Variants in CHD6 observed in about 807,000 individuals in gnomAD.
CHD6 encodes the protein ATP-dependent chromatin remodeler CHD6.
In CHD6, 50 loss-of-function variants were observed where a neutral mutation model predicts 276.9. The observed-to-expected ratio is 0.18, with a 90% CI of 0.14 to 0.23. The LOEUF (loss-of-function observed/expected upper bound fraction) is 0.23. CHD6 is among the 10% of genes least tolerant of loss of function. The pLI, the probability that CHD6 is intolerant of heterozygous loss-of-function variation, is 1.00. For synonymous variants in CHD6, 1,173 were observed against 1,229.3 expected (o/e 0.95, Z 0.96); for missense variants, 2,564 against 3,365.8 (o/e 0.76, Z 5.89).
intron 1 of CHD6, among the ~76,000 whole-genome samples, chr20:41,592,820 A>T (rs1335322874): frequency 6.6e-6 from 1 of 152,170 alleles, no homozygotes; most frequent in African/African-American, 2.4e-5. Flanking sequence ...GGCTGGGTCT[A>T]ACACCAGAGG....
At chr20:41,513,510 C>T (rs149707955) in intron 4 of CHD6, among the ~76,000 whole-genome samples, 3 of 152,280 alleles carry the variant, frequency 2.0e-5, no homozygotes, top group Non-Finnish European at 2.9e-5. Flanking sequence ...TTGAGAATCT[C>T]GTAACACTTC....
At chr20:41,505,592 T>C (rs1002399574) in intron 5 of CHD6, among the ~76,000 whole-genome samples, 1 of 152,230 alleles carries the variant, frequency 6.6e-6, no homozygotes, top group African/African-American at 2.4e-5. Context: ...CTAATTCTTG[T>C]TGTTTCCATA....
intron 5 of CHD6, among the ~76,000 whole-genome samples, chr20:41,500,273 A>G (rs2043799655): frequency 6.6e-6 from 1 of 152,178 alleles, no homozygotes; most frequent in Non-Finnish European, 1.5e-5. Context: ...TGATTTGTAT[A>G]TCTTCAGTCT....
chr20:41,409,979 A>G (rs559930030), intron 36 of CHD6, among the ~76,000 whole-genome samples: 10 of 152,228 alleles, frequency 6.6e-5, no homozygotes, highest in African/African-American at 2.4e-4. Flanking sequence ...GGTAGTGGGC[A>G]TTAAAAATTG....
Position 41,413,421 on chromosome 20 carries a change from G to T in CHD6, c.7034C>A (p.Ala2345Asp). The T allele has an allele frequency of 6.2e-7, 1 of 1,611,930 alleles. No individual in the cohort carries two copies. Among genetic ancestry groups the T allele is most frequent in the Non-Finnish European group, 8.5e-7 (1 of 1,179,890 alleles). The change falls in exon 35 of 37, where the codon GCC becomes GAC. Residue 2345 changes from alanine (A) to aspartate (D), a missense_variant. Ala to Asp is a moderately radical substitution (Grantham distance 126). Transcript: ENST00000373233. ...ATSAPEPATA[A>D]SSQAEKSIPS... Reference sequence around the variant, plus strand: ...AATGGATTTCTCGGCTTGGCTGCTGGCTGCCGTAGCTGGCTCAGGAGCCGA... The same window carrying T: ...AATGGATTTCTCGGCTTGGCTGCTGTCTGCCGTAGCTGGCTCAGGAGCCGA...
chr20:41,511,366 G>C (rs2044113982), intron 5 of CHD6, among the ~76,000 whole-genome samples: 1 of 152,184 alleles, frequency 6.6e-6, no homozygotes, highest in South Asian at 2.1e-4. Context: ...TGCACAGCCT[G>C]CTTCTTCTCT....
chr20:41,600,718 A>G (rs774780296), intron 1 of CHD6, among the ~76,000 whole-genome samples: 14 of 152,146 alleles, frequency 9.2e-5, no homozygotes, highest in Non-Finnish European at 2.9e-5. Context: ...AATCAACTAC[A>G]CTATTTTCAT....
chr20:41,425,040 T>C (rs11697642), intron 29 of CHD6, 138 bp downstream of exon 29: 6 of 668,886 alleles, frequency 9.0e-6, no homozygotes, highest in Non-Finnish European at 1.6e-5. Flanking sequence ...AACTGAAGGC[T>C]GAATGTAATG....
chr20:41,552,209 C>A (rs1051787551), intron 1 of CHD6, among the ~76,000 whole-genome samples: 6 of 152,208 alleles, frequency 3.9e-5, no homozygotes, highest in Admixed American at 2.6e-4. Context: ...TATAGAATCT[C>A]AGGCTTCTAG....
chr20:41,482,454 A>G (rs1363670944), intron 16 of CHD6: 1 of 413,932 alleles, frequency 2.4e-6, no homozygotes, highest in Admixed American at 3.0e-5. Context: ...CTCTTGCTAT[A>G]AAGTACATGT....
intron 23 of CHD6, among the ~76,000 whole-genome samples, chr20:41,448,341 G>A (rs988313901): frequency 6.6e-6 from 1 of 152,156 alleles, no homozygotes; most frequent in African/African-American, 2.4e-5. Flanking sequence ...GAACAGTGGT[G>A]TTTTCAAACA....
At chr20:41,552,569 T>C (rs2045162297) in intron 1 of CHD6, among the ~76,000 whole-genome samples, 1 of 152,192 alleles carries the variant, frequency 6.6e-6, no homozygotes, top group African/African-American at 2.4e-5. Flanking sequence ...TAAAGTGAGA[T>C]AGTTCCAATT....
chr20:41,598,530 C>A (rs151084531), intron 1 of CHD6, among the ~76,000 whole-genome samples: 481 of 152,236 alleles, frequency 3.2e-3, no homozygotes, highest in Non-Finnish European at 5.0e-3. Context: ...GGTCCTCCGA[C>A]CAACAGGGTA....
At chr20:41,522,774 G>A (rs1015847107) in intron 3 of CHD6, among the ~76,000 whole-genome samples, 1 of 152,122 alleles carries the variant, frequency 6.6e-6, no homozygotes, top group Non-Finnish European at 1.5e-5. Context: ...CACTGCAGAA[G>A]TGGATACTGT....
chr20:41,468,898 C>A (rs1190393175), intron 17 of CHD6, among the ~76,000 whole-genome samples: 1 of 152,148 alleles, frequency 6.6e-6, no homozygotes, highest in African/African-American at 2.4e-5. Flanking sequence ...ACTATAACTC[C>A]AGCTATTCAG....
rs767307935 is a variant in CHD6, at chr20:41,498,271, T to C, written c.916-45A>G. ...GTTATCAGCCCAGATCCCAGGCAGA[T>C]CACCCTTACTGAGCCAAAAGAAAAC... is the stretch of plus-strand genomic sequence containing the variant. On this transcript the variant is annotated intron_variant, in intron 6 of 36. Coordinates refer to ENST00000373233, the MANE Select transcript of CHD6 (RefSeq NM_032221.5). 3.5e-6 allele frequency: 5 copies of C among 1,418,906 alleles called. No homozygotes were observed. The South Asian group carries it at 6.0e-5, about 17-fold the overall frequency. 87.9% of individuals were successfully genotyped at this position (1,418,906 alleles called of 1,614,324 possible). A position where few individuals can be genotyped will look rare whatever the true frequency, so the allele number is the denominator to read the frequency against.
chr20:41,581,184 A>G (rs1203230193), intron 1 of CHD6, among the ~76,000 whole-genome samples: 2 of 152,242 alleles, frequency 1.3e-5, no homozygotes, highest in Non-Finnish European at 2.9e-5. Context: ...CTTAATCATC[A>G]TAATCATCCC....
rs1387741628 is a variant in CHD6, at chr20:41,403,502, A to G, written c.*1091T>C. 1 of 1,062,570 alleles carries G rather than the reference A, an allele frequency of 9.4e-7. No individual in the cohort carries two copies. Among genetic ancestry groups the G allele is most frequent in the African/African-American group, 1.6e-5 (1 of 60,948 alleles). 65.8% of individuals were successfully genotyped at this position (1,062,570 alleles called of 1,614,324 possible). On this transcript the variant is annotated 3_prime_UTR_variant, in exon 37 of 37. Transcript: ENST00000373233. ...TGGAATTTGGGTCCAACTGTAAGAT[A>G]TAAACAGAATGGAGAAATTAATGGA...
At position 41,404,678 on chromosome 20, in the gene CHD6, GGTTCGGCACAGTT is replaced by G. The variant is rs1380210515; in HGVS notation, c.8050_8062del (p.Asn2684ProfsTer34). On this transcript the variant is annotated frameshift_variant, in exon 37 of 37. Transcript: ENST00000373233. LOFTEE classifies it high-confidence loss of function. Reference sequence around the variant, plus strand: ...TCTCTCTGCGGGCAAAGGGGCACTGGGTTCGGCACAGTTCTCATCACCGCTGGGCTCCCTTTCA... The same window carrying G: ...TCTCTCTGCGGGCAAAGGGGCACTGGCTCATCACCGCTGGGCTCCCTTTCA... 6.4e-7 allele frequency: 1 copy of G among 1,562,140 alleles called. No homozygotes were observed. Among genetic ancestry groups the G allele is most frequent in the Non-Finnish European group, 8.7e-7 (1 of 1,153,016 alleles).
Sources: allele counts gnomAD v4.1 joint callset (sites outside exome capture counted in the v4.1 genomes callset), GRCh38; gene constraint gnomAD v4.1.1; transcripts MANE v1.5; gene names NCBI Gene and HGNC (gene_info 2026-07-23, HGNC 2026-07-21).